WDR70: variants seen among roughly 807,000 people sequenced by gnomAD.
The protein encoded by WDR70 is WD repeat domain 70.
WDR70 carries 53 observed loss-of-function variants against 88.6 expected under a neutral mutation model. The observed-to-expected ratio is 0.60, with a 90% CI of 0.48 to 0.75. The LOEUF is 0.75. Ranked by LOEUF, WDR70 falls within the 30% of genes least tolerant of loss-of-function variation. The probability of loss-of-function intolerance (pLI) is 0.00; values close to 1 mark genes in which losing one functional copy is unlikely to be tolerated. For synonymous variants in WDR70, 280 were observed against 270.0 expected (o/e 1.04, Z -0.36); for missense variants, 610 against 823.2 (o/e 0.74, Z 3.17).
chr5:37,745,795 T>C (rs1302801486), intron 17 of WDR70, among the ~76,000 whole-genome samples: 1 of 152,182 alleles, frequency 6.6e-6, no homozygotes, highest in Non-Finnish European at 1.5e-5. Flanking sequence ...CTTAGGGACC[T>C]ACAAAGAGAC....
chr5:37,677,747 A>C (rs1293557800), intron 10 of WDR70, among the ~76,000 whole-genome samples: 3 of 152,222 alleles, frequency 2.0e-5, no homozygotes, highest in Non-Finnish European at 4.4e-5. Flanking sequence ...GATGTCTATT[A>C]GGTCTGCTTG....
intron 5 of WDR70, among the ~76,000 whole-genome samples, chr5:37,426,933 GC>G (rs1750143108): frequency 6.6e-6 from 1 of 151,748 alleles, no homozygotes; most frequent in Non-Finnish European, 1.5e-5. Flanking sequence ...GCACAACCAT[GC>G]CCAGCTAATT....
intron 9 of WDR70, among the ~76,000 whole-genome samples, chr5:37,587,461 G>A (rs1353308128): frequency 6.6e-6 from 1 of 151,362 alleles, no homozygotes; most frequent in Non-Finnish European, 1.5e-5. Context: ...CCCATCTCTA[G>A]TCTGTAAATT....
chr5:37,650,864 A>G (rs371678359), intron 10 of WDR70, among the ~76,000 whole-genome samples: 1 of 152,126 alleles, frequency 6.6e-6, no homozygotes, highest in African/African-American at 2.4e-5. Context: ...CTTTATAACT[A>G]CTACCCATCC....
At chr5:37,563,448 C>T (rs1368945946) in intron 9 of WDR70, among the ~76,000 whole-genome samples, 7 of 58,564 alleles carry the variant, frequency 1.2e-4, no homozygotes, top group South Asian at 7.3e-4. Context: ...CCACATCCTT[C>T]CCGGACGGGG....
At chr5:37,583,769 G>A (rs1253021873) in intron 9 of WDR70, among the ~76,000 whole-genome samples, 1 of 152,088 alleles carries the variant, frequency 6.6e-6, no homozygotes, top group Non-Finnish European at 1.5e-5. Context: ...TAAAGAGAAA[G>A]GACTTCATTT....
Position 37,659,152 on chromosome 5 carries a change from A to G in WDR70, c.1093-38503A>G, listed in dbSNP as rs567966057. Among the ~76,000 whole-genome samples the G allele has an allele frequency of 1.1e-4, 16 of 152,350 alleles. No homozygotes were observed. The South Asian group carries it at 2.7e-3, about 26-fold the overall frequency. ...TTATTTCCTTTATTCAGGGAAAAAG[A>G]AAACATGTTCTAATTCCCCAGTGGC... On this transcript the variant is annotated intron_variant, in intron 10 of 17. Coordinates refer to ENST00000265107, the MANE Select transcript of WDR70 (RefSeq NM_018034.4).
At chr5:37,714,375 A>G (rs1466103136) in intron 13 of WDR70, among the ~76,000 whole-genome samples, 2 of 152,214 alleles carry the variant, frequency 1.3e-5, no homozygotes, top group African/African-American at 4.8e-5. Flanking sequence ...CCAAACATAG[A>G]AAAACCAGGT....
intron 8 of WDR70, among the ~76,000 whole-genome samples, chr5:37,488,516 T>TTTG (rs57025561): frequency 4.0e-5 from 6 of 151,012 alleles, no homozygotes; most frequent in Non-Finnish European, 8.9e-5. Context: ...TTTTTTTTTT[T>TTTG]GTCTAACTGG....
chr5:37,467,786 G>T (rs572594836), intron 7 of WDR70, among the ~76,000 whole-genome samples: 13 of 151,386 alleles, frequency 8.6e-5, no homozygotes, highest in Non-Finnish European at 1.9e-4. Context: ...GCGCTATCTC[G>T]GCTCACTGCA....
intron 7 of WDR70, among the ~76,000 whole-genome samples, chr5:37,447,511 G>T (rs186727548): frequency 6.6e-6 from 1 of 151,994 alleles, no homozygotes; most frequent in South Asian, 2.1e-4. Context: ...GGCACTATTC[G>T]CAATAGCAAA....
At chr5:37,609,222 A>G (rs1171434136) in intron 10 of WDR70, among the ~76,000 whole-genome samples, 1 of 152,158 alleles carries the variant, frequency 6.6e-6, no homozygotes, top group Admixed American at 6.5e-5. Context: ...ATTAATCTGT[A>G]TATGTGACTG....
intron 10 of WDR70, among the ~76,000 whole-genome samples, chr5:37,680,131 A>G (rs990004328): frequency 1.0e-4 from 15 of 148,100 alleles, no homozygotes; most frequent in African/African-American, 3.7e-4. Context: ...TTTGATTTGC[A>G]TTTGTCTAAC....
chr5:37,611,796 T>TAAA (rs77585864), intron 10 of WDR70, among the ~76,000 whole-genome samples: 2,650 of 146,104 alleles, frequency 0.018, 73 homozygotes, highest in African/African-American at 0.061. Flanking sequence ...TTTTTTTTTT[T>TAAA]AAAAAAAAAC....
intron 8 of WDR70, among the ~76,000 whole-genome samples, chr5:37,514,421 C>A (rs1456479156): frequency 3.0e-5 from 4 of 133,944 alleles, no homozygotes; most frequent in Non-Finnish European, 6.4e-5. Context: ...GGTGCATGTG[C>A]AGGATATACA....
In WDR70 at chr5:37,516,044, A is replaced by C. The variant is rs570569189; in HGVS notation, c.841-470A>C. 1.2e-3 allele frequency among the ~76,000 whole-genome samples: 184 copies of C among 152,306 alleles called. 1 individual carries two copies. The highest frequency in any genetic ancestry group is 1.6e-3 in the Non-Finnish European group (108 of 68,020). ...ATTTTTACAGAGGCATTGTAGAATC[A>C]AGGTTGTTGACACATTTTTAGGAAA... On this transcript the variant is annotated intron_variant, in intron 8 of 17. Transcript: ENST00000265107.
At chr5:37,565,668 T>C (rs1173895148) in intron 9 of WDR70, among the ~76,000 whole-genome samples, 3 of 152,132 alleles carry the variant, frequency 2.0e-5, no homozygotes, top group South Asian at 2.1e-4. Context: ...TTATATTATG[T>C]AGTCCACTGG....
chr5:37,709,167 C>T (rs1251926079), intron 13 of WDR70, among the ~76,000 whole-genome samples: 1 of 152,126 alleles, frequency 6.6e-6, no homozygotes, highest in Non-Finnish European at 1.5e-5. Context: ...TATAGTGAAA[C>T]CTCCTTAATG....
chr5:37,705,955 C>G (rs1201194043), intron 13 of WDR70, among the ~76,000 whole-genome samples: 1 of 152,232 alleles, frequency 6.6e-6, no homozygotes, highest in Non-Finnish European at 1.5e-5. Flanking sequence ...TAAACCCCTA[C>G]ATGCTTATAT....
Sources: allele counts gnomAD v4.1 joint callset (sites outside exome capture counted in the v4.1 genomes callset), GRCh38; gene constraint gnomAD v4.1.1; transcripts MANE v1.5; gene names NCBI Gene and HGNC (gene_info 2026-07-23, HGNC 2026-07-21).